Variants in OTOG observed in about 807,000 individuals in gnomAD.
OTOG encodes the protein otogelin.
In OTOG, 296 loss-of-function variants were observed where a neutral mutation model predicts 313.8. The ratio of observed to expected loss-of-function variants is 0.94; its 90% CI spans 0.86 to 1.04. OTOG has a LOEUF of 1.04. Ranked by LOEUF, OTOG falls within the 50% of genes least tolerant of loss-of-function variation. The pLI, the probability that OTOG is intolerant of heterozygous loss-of-function variation, is 0.00. For missense variants in OTOG, 3,948 were observed against 3,840.1 expected (o/e 1.03, Z -0.74); for synonymous variants, 1,533 against 1,554.9 (o/e 0.99, Z 0.33).
intron 15 of OTOG, among the ~76,000 whole-genome samples, chr11:17,564,775 T>C (rs551352493): frequency 5.7e-4 from 87 of 152,348 alleles, no homozygotes; most frequent in African/African-American, 1.4e-3. Context: ...GTAGTTATCA[T>C]TCTCCCCATT....
intron 11 of OTOG, 150 bp downstream of exon 11, chr11:17,559,311 G>A (rs1852127075): frequency 1.1e-6 from 1 of 917,488 alleles, no homozygotes; most frequent in Admixed American, 2.8e-5. Context: ...CGAAAAAACT[G>A]AGGCTCAGAG....
At chr11:17,589,309 T>A (rs147820482) in intron 24 of OTOG, among the ~76,000 whole-genome samples, 1 of 152,178 alleles carries the variant, frequency 6.6e-6, no homozygotes, top group African/African-American at 2.4e-5. Flanking sequence ...CTCTTTCTCC[T>A]CTCTCCTCAA....
chr11:17,593,472 G>T, intron 26 of OTOG, 138 bp from the exon 27 acceptor site: 5 of 1,426,642 alleles, frequency 3.5e-6, no homozygotes, highest in Non-Finnish European at 4.7e-6. Context: ...AATTCCTCTT[G>T]GCCAGGGTCA....
chr11:17,561,867 G>A, intron 15 of OTOG, 60 bp downstream of exon 15: 1 of 1,539,916 alleles, frequency 6.5e-7, no homozygotes, highest in Non-Finnish European at 8.8e-7. Flanking sequence ...CTGCCCCCAA[G>A]AGAGACTGGG....
At position 17,599,698 on chromosome 11, in the gene OTOG, G is replaced by T; in HGVS notation, c.3709+1G>T. Reference sequence around the variant, plus strand: ...TATGACTGTGACTTCTTTAACAAAGGTAAGCCCCTCCTCCCCACGCAGAGT... The same window carrying T: ...TATGACTGTGACTTCTTTAACAAAGTTAAGCCCCTCCTCCCCACGCAGAGT... On this transcript the variant is annotated splice_donor_variant, in intron 31 of 55. Coordinates refer to ENST00000399397, the MANE Select transcript of OTOG (RefSeq NM_001292063.2). LOFTEE classifies it high-confidence loss of function. 6.4e-7 allele frequency: 1 copy of T among 1,550,618 alleles called. No individual in the cohort carries two copies.
chr11:17,636,776 A>G (rs1360660718), intron 47 of OTOG, among the ~76,000 whole-genome samples: 1 of 151,332 alleles, frequency 6.6e-6, no homozygotes, highest in Non-Finnish European at 1.5e-5. Context: ...CTATGGATGG[A>G]GTATGGGCAT....
intron 15 of OTOG, among the ~76,000 whole-genome samples, chr11:17,567,191 C>T (rs748018001): frequency 1.3e-5 from 2 of 152,166 alleles, no homozygotes; most frequent in Non-Finnish European, 2.9e-5. Flanking sequence ...GGGCTTTATT[C>T]CCACACAGGT....
chr11:17,577,057 A>C, intron 22 of OTOG, 146 bp downstream of exon 22: 1 of 842,728 alleles, frequency 1.2e-6, no homozygotes, highest in Non-Finnish European at 1.8e-6. Context: ...CTCTTGGCAA[A>C]GACTCCAGCT....
chr11:17,640,677 T>C (rs1170890821), intron 49 of OTOG, 68 bp from the exon 50 acceptor site: 3 of 1,477,186 alleles, frequency 2.0e-6, no homozygotes, highest in Non-Finnish European at 2.7e-6. Context: ...GGGGCCCAGG[T>C]GGCAGACTGC....
intron 15 of OTOG, among the ~76,000 whole-genome samples, chr11:17,567,310 A>T (rs1214663038): frequency 6.6e-6 from 1 of 152,090 alleles, no homozygotes; most frequent in African/African-American, 2.4e-5. Context: ...CTGGGCAGGA[A>T]CTCAGAAGGA....
chr11:17,641,204 G>A, intron 51 of OTOG, 113 bp downstream of exon 51: 1 of 1,185,214 alleles, frequency 8.4e-7, no homozygotes, highest in Non-Finnish European at 1.2e-6. Context: ...CCCAGGACAA[G>A]TCAGAGGGGC....
chr11:17,572,915 C>T (rs1041281509), intron 18 of OTOG, among the ~76,000 whole-genome samples, 163 bp from the exon 19 acceptor site: 3 of 152,212 alleles, frequency 2.0e-5, no homozygotes, highest in African/African-American at 7.2e-5. Flanking sequence ...CTAAACCACA[C>T]CCATACCTTC....
intron 15 of OTOG, among the ~76,000 whole-genome samples, chr11:17,567,580 A>C (rs188655517): frequency 6.6e-6 from 1 of 152,300 alleles, no homozygotes; most frequent in African/African-American, 2.4e-5. Context: ...CCTGGGCTTA[A>C]GCGATCCTCC....
At position 17,594,107 on chromosome 11, in the gene OTOG, C is replaced by T; in HGVS notation, c.3349C>T (p.Pro1117Ser). ...AAAAACCATCAATGAGATGAGGACC[C>T]CGGAGAACCTAGAGCTAACTAACCC... ...DLKTINEMRT[P>S]ENLELTNPQE... is the part of the protein sequence containing the mutation. The change falls in exon 28 of 56, where the codon CCG (proline) becomes TCG (serine). Residue 1117 changes from proline to serine, a missense_variant. Physicochemically the swap from Pro to Ser is moderately conservative, Grantham distance 74. Coordinates refer to ENST00000399397, the MANE Select transcript of OTOG (RefSeq NM_001292063.2). The T allele has an allele frequency of 1.9e-6, 3 of 1,550,522 alleles. No homozygotes were observed. The highest frequency in any genetic ancestry group is 8.7e-7 in the Non-Finnish European group (1 of 1,146,956).
At chr11:17,591,305 C>T in intron 24 of OTOG, 145 bp from the exon 25 acceptor site, 1 of 1,143,370 alleles carries the variant, frequency 8.7e-7, no homozygotes, top group Admixed American at 2.9e-5. Context: ...TCCTGCCCTC[C>T]AGGCTCCTGT....
At chr11:17,599,754 C>T in intron 31 of OTOG, 57 bp downstream of exon 31, 2 of 1,527,750 alleles carry the variant, frequency 1.3e-6, no homozygotes, top group South Asian at 1.2e-5. Flanking sequence ...CAGCCCTGTC[C>T]TGACGCCACA....
chr11:17,598,585 C>T (rs747183936), intron 30 of OTOG, among the ~76,000 whole-genome samples: 2 of 152,144 alleles, frequency 1.3e-5, no homozygotes, highest in East Asian at 1.9e-4. Context: ...GGCAGATGTA[C>T]GTAGCGGTCC....
Position 17,635,103 on chromosome 11 carries a change from G to A in OTOG, c.7609G>A (p.Ala2537Thr). ...AGAGTGTGACCCAGATCTCTGTGAG[G>A]CAGAGCTGGTCCCCAGCTGCCGACA... ...SCECDPDLCEAELVPSCRQDQ... is the reference protein window; with the variant it reads ...SCECDPDLCETELVPSCRQDQ... The change falls in exon 46 of 56, where the codon GCA becomes ACA. Residue 2537 changes from alanine (A) to threonine (T), a missense_variant. By Grantham distance (58) the Ala-to-Thr change is moderately conservative. Transcript: ENST00000399397. 1 of 1,549,296 alleles carries A rather than the reference G, an allele frequency of 6.5e-7. No homozygotes were observed. Among genetic ancestry groups the A allele is most frequent in the Non-Finnish European group, 8.7e-7 (1 of 1,146,536 alleles).
At chr11:17,642,088 C>G in intron 52 of OTOG, 39 bp from the exon 53 acceptor site, 1 of 1,521,036 alleles carries the variant, frequency 6.6e-7, no homozygotes, top group Non-Finnish European at 8.9e-7. Context: ...GGCTGTCCAT[C>G]TGGCCACAGC....
Sources: gnomAD v4.1 joint callset for allele counts (sites outside exome capture counted in the v4.1 genomes callset) on GRCh38, gnomAD v4.1.1 for gene constraint, MANE v1.5 for transcripts, NCBI Gene and HGNC (gene_info 2026-07-23, HGNC 2026-07-21) for gene names.